The following CHID1 variants were observed in gnomAD, a reference collection of about 807,000 sequenced individuals.
CHID1 encodes the protein chitinase domain containing 1.
A neutral mutation model predicts 55.4 loss-of-function variants in CHID1; 44 were observed. That is an observed-to-expected ratio of 0.79 (90% confidence interval 0.62 to 1.02). CHID1 has a LOEUF of 1.02. Ranked by LOEUF, CHID1 falls within the 50% of genes least tolerant of loss-of-function variation. The probability of loss-of-function intolerance (pLI) is 0.00; values close to 1 mark genes in which losing one functional copy is unlikely to be tolerated. For synonymous variants in CHID1, 216 were observed against 212.9 expected (o/e 1.01, Z -0.13); for missense variants, 491 against 515.3 (o/e 0.95, Z 0.46).
chr11:885,568 C>T (rs965705970), intron 8 of CHID1, among the ~76,000 whole-genome samples: 2 of 152,150 alleles, frequency 1.3e-5, no homozygotes, highest in Non-Finnish European at 2.9e-5. Flanking sequence ...GCACTATGCC[C>T]ATCACTCCCG....
chr11:902,151 CTT>C (rs1305490167), intron 4 of CHID1, 45 bp downstream of exon 4: 1 of 1,609,976 alleles, frequency 6.2e-7, no homozygotes, highest in African/African-American at 1.3e-5. Context: ...CACTCACACT[CTT>C]TTCAGCCTGT....
intron 1 of CHID1, among the ~76,000 whole-genome samples, chr11:907,721 C>T (rs1303377173): frequency 6.6e-6 from 1 of 152,124 alleles, no homozygotes; most frequent in African/African-American, 2.4e-5. Flanking sequence ...GGAGCTCAGC[C>T]CAACTCACTA....
rs371660142 is a variant in CHID1 at position 869,870 on chromosome 11, G to A, written c.1170C>T (p.Tyr390=). Reference sequence around the variant, plus strand: ...CCGCAATGCCCACCTAGAGCAGGTCGTAGAAGTAGTCCAGGCCCTGGCCCA... The same window carrying A: ...CCGCAATGCCCACCTAGAGCAGGTCATAGAAGTAGTCCAGGCCCTGGCCCA... The part of the protein sequence containing the change: ...WELGQGLDYF[Y]DLL Residue 390 remains tyrosine, a synonymous_variant, in exon 13 of 13, where the codon TAC becomes TAT. Transcript: ENST00000323578. 1.3e-4 allele frequency: 204 copies of A among 1,612,892 alleles called. No individual in the cohort carries two copies. Among genetic ancestry groups the A allele is most frequent in the South Asian group, 4.0e-4 (36 of 91,088 alleles).
upstream of CHID1, among the ~76,000 whole-genome samples, chr11:914,016 C>T (rs1446914936): frequency 4.2e-5 from 6 of 143,938 alleles, no homozygotes; most frequent in East Asian, 2.1e-4. Context: ...TGCAATGAGC[C>T]GAGATCGCGC....
At chr11:899,249 G>A (rs1288419299) in intron 7 of CHID1, 91 bp downstream of exon 7, 1 of 1,259,936 alleles carries the variant, frequency 7.9e-7, no homozygotes, top group Non-Finnish European at 1.1e-6. Context: ...GTGGAAGGAA[G>A]GCCCTCCCCA....
upstream of CHID1, among the ~76,000 whole-genome samples, chr11:913,643 T>A (rs1168719679): frequency 1.3e-5 from 2 of 151,574 alleles, no homozygotes; most frequent in African/African-American, 4.9e-5. Context: ...CTTGGTGATA[T>A]GCACCTATAG....
Position 881,052 on chromosome 11 carries a change from A to G in CHID1, c.959+2096T>C, listed in dbSNP as rs778504638. Among the ~76,000 whole-genome samples the G allele has an allele frequency of 6.2e-4, 94 of 152,328 alleles. 1 individual carries two copies. Among genetic ancestry groups the G allele is most frequent in the Non-Finnish European group, 5.6e-4 (38 of 68,026 alleles). On this transcript the variant is annotated intron_variant, in intron 10 of 12. Coordinates refer to ENST00000323578, the MANE Select transcript of CHID1 (RefSeq NM_023947.4). ...GACCCTGATATCAGAACCAGCAGAC[A>G]TGGGCACTCAGCAGTTCTTACAACT...
At position 872,575 on chromosome 11, in the gene CHID1, C is replaced by G. The variant is rs1400059863; in HGVS notation, c.960-2076G>C. Among the ~76,000 whole-genome samples, 3 of 152,214 alleles carry G rather than the reference C, an allele frequency of 2.0e-5. No homozygotes were observed. The East Asian group carries it at 5.8e-4, about 29-fold the overall frequency. ...GCTGGGCCAGGCCCCTCAATGGCCACATGCAAACATGGTCCTTCCAGAAGC... is the reference window on the plus strand; with the variant it reads ...GCTGGGCCAGGCCCCTCAATGGCCAGATGCAAACATGGTCCTTCCAGAAGC... On this transcript the variant is annotated intron_variant, in intron 10 of 12. Coordinates refer to ENST00000323578, the MANE Select transcript of CHID1 (RefSeq NM_023947.4).
chr11:874,851 A>G (rs1849399034), intron 10 of CHID1: 2 of 152,220 alleles, frequency 1.3e-5, no homozygotes, highest in Admixed American at 1.3e-4. Flanking sequence ...CACCATTAGA[A>G]AACGATTCCG....
chr11:909,396 G>A (rs1852470214), intron 1 of CHID1, among the ~76,000 whole-genome samples: 1 of 152,226 alleles, frequency 6.6e-6, no homozygotes, highest in African/African-American at 2.4e-5. Flanking sequence ...GTCACCCAAA[G>A]GGGTCCCAGA....
Position 868,515 on chromosome 11 carries a change from C to T in CHID1, c.*1343G>A, listed in dbSNP as rs1848986586. ...CAGGCATGAACCGCCGCACACACCA[C>T]TTGTATCTCCTATGCCCGTGTCAAG... is the stretch of plus-strand genomic sequence containing the variant. On this transcript the variant is annotated 3_prime_UTR_variant, in exon 13 of 13. Transcript: ENST00000323578. The T allele has an allele frequency of 6.6e-6, 1 of 152,184 alleles. No individual in the cohort carries two copies. The highest frequency in any genetic ancestry group is 2.1e-4 in the South Asian group (1 of 4,838). 9.4% of individuals were successfully genotyped at this position (152,184 alleles called of 1,614,324 possible). A position where few individuals can be genotyped will look rare whatever the true frequency, so the allele number is the denominator to read the frequency against.
upstream of CHID1, chr11:914,465 A>T: frequency 1.7e-6 from 2 of 1,193,920 alleles, no homozygotes; most frequent in East Asian, 5.7e-5. Context: ...GGAGGCCTGC[A>T]GAGATGAGTG....
intron 2 of CHID1, among the ~76,000 whole-genome samples, chr11:903,379 C>T (rs974529726): frequency 1.3e-5 from 2 of 152,234 alleles, no homozygotes; most frequent in African/African-American, 2.4e-5. Flanking sequence ...GGCAGACAGA[C>T]AGTTATGGTG....
chr11:910,387 C>G (rs917794232), intron 1 of CHID1, among the ~76,000 whole-genome samples: 1 of 152,154 alleles, frequency 6.6e-6, no homozygotes, highest in Non-Finnish European at 1.5e-5. Flanking sequence ...CGCGCTCACA[C>G]ACTCCTCACC....
intron 1 of CHID1, among the ~76,000 whole-genome samples, chr11:909,237 C>T (rs917383772): frequency 1.2e-4 from 18 of 152,238 alleles, no homozygotes; most frequent in Non-Finnish European, 2.4e-4. Flanking sequence ...TCATGCTCTT[C>T]ACATAACACA....
chr11:914,912 C>G, upstream of CHID1: 1 of 283,106 alleles, frequency 3.5e-6, no homozygotes, highest in Non-Finnish European at 6.9e-6. Flanking sequence ...CCTCGTGACT[C>G]TGTCCTGTTC....
intron 10 of CHID1, among the ~76,000 whole-genome samples, chr11:876,241 A>C (rs952757962): frequency 2.0e-5 from 3 of 152,204 alleles, no homozygotes; most frequent in African/African-American, 7.2e-5. Flanking sequence ...AGGACACCCC[A>C]CAACGGGTGG....
At chr11:914,416 G>T, upstream of CHID1, 3 of 772,126 alleles carry the variant, frequency 3.9e-6, no homozygotes, top group South Asian at 4.5e-5. Context: ...CGTGGGCATG[G>T]GGGGGACAGA....
At chr11:893,013 G>A (rs1850955320) in intron 8 of CHID1, among the ~76,000 whole-genome samples, 1 of 152,242 alleles carries the variant, frequency 6.6e-6, no homozygotes, top group African/African-American at 2.4e-5. Context: ...TGCCTCTGGA[G>A]GGAGAGGAGG....
Sources: allele counts gnomAD v4.1 joint callset (sites outside exome capture counted in the v4.1 genomes callset), GRCh38; gene constraint gnomAD v4.1.1; transcripts MANE v1.5; gene names NCBI Gene and HGNC (gene_info 2026-07-23, HGNC 2026-07-21).